The following SLCO4A1 variants were observed in gnomAD, a reference collection of about 807,000 sequenced individuals.
SLCO4A1 encodes the protein solute carrier organic anion transporter family member 4A1, also known as colon organic anion transporter.
SLCO4A1 carries 51 observed loss-of-function variants against 64.6 expected under a neutral mutation model. The ratio of observed to expected loss-of-function variants is 0.79; its 90% CI spans 0.63 to 1.00. The LOEUF (loss-of-function observed/expected upper bound fraction) is 1.00, where lower values mean the gene tolerates loss of function less well. Among genes scored for constraint, SLCO4A1 ranks in the 50% least tolerant of loss-of-function variants. The probability of loss-of-function intolerance (pLI) is 0.00; values close to 1 mark genes in which losing one functional copy is unlikely to be tolerated. For synonymous variants in SLCO4A1, 471 were observed against 444.9 expected, an observed-to-expected ratio of 1.06 and a Z score of -0.74; for missense variants, 919 against 980.5, an observed-to-expected ratio of 0.94 and a Z score of 0.84.
At chr20:62,659,730 GCTCC>G (rs1984417520) in intron 3 of SLCO4A1, among the ~76,000 whole-genome samples, 1 of 152,204 alleles carries the variant, frequency 6.6e-6, no homozygotes, top group Non-Finnish European at 1.5e-5. Flanking sequence ...GGGTGTTGGC[GCTCC>G]CTGTGTCCTC....
chr20:62,661,208 C>T lies in SLCO4A1; in HGVS notation c.1121+33C>T, dbSNP rs1278172619. On this transcript the variant is annotated intron_variant, in intron 5 of 11. Coordinates refer to ENST00000217159, the MANE Select transcript of SLCO4A1 (RefSeq NM_016354.4). This position sits in a 1 kb window ranked among gnomAD's most constrained non-coding sequence, Gnocchi z 5.2. ...CCGGAGTCGGGAGGGTTCCTAGTGTCCTCAGACCCTTTAATGGTCCCCATC... is the reference window on the plus strand; with the variant it reads ...CCGGAGTCGGGAGGGTTCCTAGTGTTCTCAGACCCTTTAATGGTCCCCATC... 11 of 1,462,730 alleles carry T rather than the reference C, an allele frequency of 7.5e-6. No homozygotes were observed. In the South Asian group the frequency reaches 9.1e-5, roughly 12 times the overall value. The allele number at this position is 1,462,730 out of a possible 1,614,324, so 90.6% of individuals were successfully genotyped here.
At chr20:62,667,479 A>T (rs2147101066) in intron 7 of SLCO4A1, 1 of 484,526 alleles carries the variant, frequency 2.1e-6, no homozygotes, top group East Asian at 3.1e-5. Context: ...AAAACAAATG[A>T]ACTAGGGAAA....
chr20:62,659,517 G>A (rs1198358289), intron 3 of SLCO4A1, among the ~76,000 whole-genome samples: 2 of 152,232 alleles, frequency 1.3e-5, no homozygotes, highest in Non-Finnish European at 2.9e-5. Context: ...GGTCAAGTGT[G>A]TGCGTTCTGG....
chr20:62,672,319 C>T, downstream of SLCO4A1: 1 of 1,062,216 alleles, frequency 9.4e-7, no homozygotes, highest in African/African-American at 1.7e-5. Context: ...TGCTTTATTT[C>T]TATGAGTTTG....
At chr20:62,686,505 A>G (rs1309632056), downstream of SLCO4A1, among the ~76,000 whole-genome samples, 1 of 152,228 alleles carries the variant, frequency 6.6e-6, no homozygotes, top group Non-Finnish European at 1.5e-5. Flanking sequence ...AGGGGCCGGC[A>G]GCTGCCTAAA....
chr20:62,647,150 A>G (rs1981495184), intron 1 of SLCO4A1, among the ~76,000 whole-genome samples: 1 of 152,256 alleles, frequency 6.6e-6, no homozygotes, highest in Non-Finnish European at 1.5e-5. Flanking sequence ...CTGTGCCTCA[A>G]GCTAAAGAAG....
At chr20:62,670,582 T>A (rs1987076968) in intron 11 of SLCO4A1, among the ~76,000 whole-genome samples, 1 of 152,132 alleles carries the variant, frequency 6.6e-6, no homozygotes, top group Admixed American at 6.5e-5. Flanking sequence ...TCCACAGGGG[T>A]CTCAGTGTCT....
chr20:62,643,162 C>T (rs1980700277), intron 1 of SLCO4A1: 1 of 357,314 alleles, frequency 2.8e-6, no homozygotes, highest in African/African-American at 2.3e-5. Flanking sequence ...TTTCCAGCAG[C>T]GGCGGCGCCC....
At chr20:62,682,717 C>T (rs565993498) in intron 2 of SLCO4A1, among the ~76,000 whole-genome samples, 2 of 152,306 alleles carry the variant, frequency 1.3e-5, no homozygotes, top group South Asian at 4.1e-4. Flanking sequence ...GCTCCTAGCC[C>T]ATCCTGAAGT....
intron 3 of SLCO4A1, among the ~76,000 whole-genome samples, chr20:62,659,300 T>G (rs749168001): frequency 2.9e-4 from 44 of 151,840 alleles, no homozygotes; most frequent in Middle Eastern, 3.4e-3. Flanking sequence ...AGGAGACATG[T>G]CCTTGCTGAC....
intron 6 of SLCO4A1, chr20:62,666,102 C>CCCG (rs1986200096): frequency 2.1e-5 from 1 of 47,020 alleles, no homozygotes; most frequent in African/African-American, 6.3e-5. Flanking sequence ...CTCCCCCCGC[C>CCCG]CCGCCCCGCC....
chr20:62,669,220 C>T, intron 11 of SLCO4A1, 142 bp downstream of exon 11: 1 of 831,540 alleles, frequency 1.2e-6, no homozygotes, highest in Non-Finnish European at 1.9e-6. Context: ...AGGCCCTTCC[C>T]ACATTCCTCA....
downstream of SLCO4A1, among the ~76,000 whole-genome samples, chr20:62,674,210 T>C (rs1051159403): frequency 2.7e-4 from 41 of 151,458 alleles, no homozygotes; most frequent in Admixed American, 6.6e-4. Context: ...CTGAAGGAGG[T>C]GTTCTGGTAC....
intron 6 of SLCO4A1, 99 bp downstream of exon 6, chr20:62,665,187 G>C (rs761621228): frequency 5.9e-5 from 79 of 1,343,402 alleles, no homozygotes; most frequent in Non-Finnish European, 7.9e-5. Flanking sequence ...CAGGGCACAT[G>C]GCAGTGAGTG....
chr20:62,665,407 C>G (rs1247407311), intron 6 of SLCO4A1: 1 of 268,756 alleles, frequency 3.7e-6, no homozygotes, highest in African/African-American at 2.2e-5. Context: ...GTTCCATGAG[C>G]CAGGCACTGG....
At chr20:62,690,545 C>G (rs1267772123), downstream of SLCO4A1, among the ~76,000 whole-genome samples, 4 of 152,180 alleles carry the variant, frequency 2.6e-5, no homozygotes, top group Admixed American at 6.5e-5. Context: ...TTCATTTTAC[C>G]AGGAGAGAAA....
At chr20:62,676,461 G>A (rs543727700), downstream of SLCO4A1, among the ~76,000 whole-genome samples, 3 of 152,184 alleles carry the variant, frequency 2.0e-5, no homozygotes, top group East Asian at 5.8e-4. Flanking sequence ...AACAATGAAA[G>A]GATGATCCAA....
At chr20:62,666,611 C>T in intron 7 of SLCO4A1, 36 bp downstream of exon 7, 1 of 1,571,480 alleles carries the variant, frequency 6.4e-7, no homozygotes, top group South Asian at 1.1e-5. Context: ...CGCGTCGGGG[C>T]CCCAAGCACC....
At position 62,667,817 on chromosome 20, in the gene SLCO4A1, C is replaced by T. The variant is rs1986642520; in HGVS notation, c.1545C>T (p.Tyr515=). Residue 515 remains tyrosine, a synonymous_variant, in exon 8 of 12, where the codon TAC becomes TAT. Transcript: ENST00000217159. ...CCTGCAGCTGCCAGCCAGAACACTA[C>T]AGCCCTGTGTGCGGCTCGGACGGCC... ...NAACSCQPEH[Y]SPVCGSDGLM... is the part of the protein sequence containing the mutation. The T allele has an allele frequency of 6.2e-7, 1 of 1,613,100 alleles. No individual in the cohort carries two copies. Among genetic ancestry groups the T allele is most frequent in the African/African-American group, 1.3e-5 (1 of 74,940 alleles).
Sources: gnomAD v4.1 joint callset for allele counts (sites outside exome capture counted in the v4.1 genomes callset) on GRCh38, gnomAD v4.1.1 for gene constraint, Gnocchi (gnomAD v3.1) non-coding constraint, MANE v1.5 for transcripts, NCBI Gene and HGNC (gene_info 2026-07-23, HGNC 2026-07-21) for gene names.